Variants in PTCHD4 observed in about 807,000 individuals in gnomAD.
The protein encoded by PTCHD4 is patched domain-containing protein 4.
PTCHD4 carries 33 observed loss-of-function variants against 58.1 expected under a neutral mutation model. The ratio of observed to expected loss-of-function variants is 0.57; its 90% CI spans 0.43 to 0.76. The LOEUF (loss-of-function observed/expected upper bound fraction) is 0.76, where lower values mean the gene tolerates loss of function less well. Among genes scored for constraint, PTCHD4 ranks in the 30% least tolerant of loss-of-function variants. PTCHD4 has a pLI of 0.00. For missense variants in PTCHD4, 1,058 were observed against 1,027.1 expected (o/e 1.03, Z -0.41); for synonymous variants, 478 against 409.6 (o/e 1.17, Z -2.02).
rs867605224 is a variant in PTCHD4, at chr6:48,068,487, C to T, written c.160G>A (p.Gly54Ser). The T allele has an allele frequency of 1.2e-6, 2 of 1,613,408 alleles. No homozygotes were observed. Among genetic ancestry groups the T allele is most frequent in the East Asian group, 2.2e-5 (1 of 44,826 alleles). ...TGGAAGCGGTTGAGCGCGCTGAGGC[C>T]GAAGGTGATTGTCAGGACTGCGGGC... ...TVPAVLTITF[G>S]LSALNRFQPE... Residue 54 changes from glycine to serine, a missense_variant, in exon 3 of 5, where the codon GGC (glycine) becomes AGC (serine). Physicochemically the swap from Gly to Ser is moderately conservative, Grantham distance 56. Transcript: ENST00000339488. This position sits in a 1 kb window ranked among gnomAD's most constrained non-coding sequence, Gnocchi z 4.2.
intron 3 of PTCHD4, among the ~76,000 whole-genome samples, chr6:48,051,691 G>C (rs1764240349): frequency 6.6e-6 from 1 of 151,878 alleles, no homozygotes; most frequent in Non-Finnish European, 1.5e-5. Context: ...CAGAGTAACT[G>C]ATCATAGCAA....
At chr6:48,000,912 C>A (rs909179321) in intron 4 of PTCHD4, among the ~76,000 whole-genome samples, 1 of 152,036 alleles carries the variant, frequency 6.6e-6, no homozygotes, top group Non-Finnish European at 1.5e-5. Context: ...ATGCAAAATC[C>A]CTCGAAAGAA....
intron 3 of PTCHD4, among the ~76,000 whole-genome samples, chr6:48,060,860 C>G (rs1488988798): frequency 6.6e-6 from 1 of 152,204 alleles, no homozygotes; most frequent in Non-Finnish European, 1.5e-5. Context: ...AGAGAACCAT[C>G]GACTGTTCCA....
At chr6:48,033,237 G>A (rs1763513973) in intron 3 of PTCHD4, among the ~76,000 whole-genome samples, 1 of 151,964 alleles carries the variant, frequency 6.6e-6, no homozygotes, top group South Asian at 2.1e-4. Context: ...TGTGGAGCCG[G>A]AATATTATAA....
At chr6:47,928,809 C>T (rs1028749879) in intron 4 of PTCHD4, among the ~76,000 whole-genome samples, 3 of 151,084 alleles carry the variant, frequency 2.0e-5, no homozygotes, top group Non-Finnish European at 4.4e-5. Flanking sequence ...TACTTGGTGT[C>T]GATGATACTC....
At chr6:48,059,603 C>A (rs1359347272) in intron 3 of PTCHD4, among the ~76,000 whole-genome samples, 1 of 152,044 alleles carries the variant, frequency 6.6e-6, no homozygotes, top group Non-Finnish European at 1.5e-5. Context: ...CACGCCACTG[C>A]ACTCAGTCTG....
intron 3 of PTCHD4, among the ~76,000 whole-genome samples, chr6:48,011,605 T>C (rs1022693987): frequency 6.6e-6 from 1 of 152,228 alleles, no homozygotes; most frequent in African/African-American, 2.4e-5. Context: ...TTTTGGCTTT[T>C]GTTGCCATTG....
intron 4 of PTCHD4, among the ~76,000 whole-genome samples, chr6:47,880,549 C>T (rs191753917): frequency 1.8e-3 from 273 of 151,882 alleles, no homozygotes; most frequent in Middle Eastern, 3.4e-3. Context: ...AAATCTGCCA[C>T]GTCACATAAA....
chr6:47,935,456 T>G (rs1208932010), intron 4 of PTCHD4, among the ~76,000 whole-genome samples: 1 of 152,180 alleles, frequency 6.6e-6, no homozygotes, highest in East Asian at 1.9e-4. Context: ...ATCTTGCGCT[T>G]TCTGCCAGTT....
At chr6:47,989,859 A>G (rs182367655) in intron 4 of PTCHD4, among the ~76,000 whole-genome samples, 2 of 152,300 alleles carry the variant, frequency 1.3e-5, no homozygotes, top group South Asian at 2.1e-4. Context: ...AGCTGTGCGA[A>G]GAAGGCCACT....
intron 4 of PTCHD4, among the ~76,000 whole-genome samples, chr6:47,915,797 C>A (rs1765225245): frequency 6.6e-6 from 1 of 152,004 alleles, no homozygotes; most frequent in African/African-American, 2.4e-5. Context: ...GCACAAAGTA[C>A]CTGAGAACAC....
At chr6:47,930,745 T>C (rs748207305) in intron 4 of PTCHD4, among the ~76,000 whole-genome samples, 5 of 152,154 alleles carry the variant, frequency 3.3e-5, no homozygotes, top group Non-Finnish European at 7.4e-5. Flanking sequence ...ATTATAAATA[T>C]TGGTATTATG....
intron 4 of PTCHD4, among the ~76,000 whole-genome samples, chr6:47,903,616 A>G (rs1043942701): frequency 1.3e-5 from 2 of 152,172 alleles, no homozygotes; most frequent in Non-Finnish European, 2.9e-5. Context: ...TGCCTGGCCC[A>G]TTAATTCATT....
intron 1 of PTCHD4, among the ~76,000 whole-genome samples, chr6:48,104,718 A>G (rs1765682821): frequency 6.6e-6 from 1 of 152,352 alleles, no homozygotes; most frequent in South Asian, 2.1e-4. Flanking sequence ...TCTCATGTGC[A>G]GAGACACACA....
At chr6:47,946,987 C>A (rs1452262899) in intron 4 of PTCHD4, among the ~76,000 whole-genome samples, 1 of 152,018 alleles carries the variant, frequency 6.6e-6, no homozygotes, top group Admixed American at 6.6e-5. Context: ...CAGGTGTGCA[C>A]CACCGTGCCC....
At chr6:47,977,685 C>A (rs2114002665) in intron 4 of PTCHD4, among the ~76,000 whole-genome samples, 1 of 151,314 alleles carries the variant, frequency 6.6e-6, no homozygotes, top group South Asian at 2.1e-4. Context: ...TGTTATGCTG[C>A]AATAGATAGC....
intron 4 of PTCHD4, among the ~76,000 whole-genome samples, chr6:47,897,619 T>C (rs1764564321): frequency 6.6e-6 from 1 of 152,192 alleles, no homozygotes; most frequent in Admixed American, 6.5e-5. Flanking sequence ...ATTTGTTAGG[T>C]GGAGATTCCT....
intron 4 of PTCHD4, among the ~76,000 whole-genome samples, chr6:47,982,015 C>T (rs939702710): frequency 3.3e-5 from 5 of 151,978 alleles, no homozygotes; most frequent in African/African-American, 1.2e-4. Flanking sequence ...CATCTCATCC[C>T]TCTGTTAAAA....
chr6:48,037,827 A>G (rs1763694303), intron 3 of PTCHD4, among the ~76,000 whole-genome samples: 1 of 151,938 alleles, frequency 6.6e-6, no homozygotes, highest in African/African-American at 2.4e-5. Flanking sequence ...GAGTAAGATG[A>G]TTTAAAAGAC....
Sources: gnomAD v4.1 joint callset for allele counts (sites outside exome capture counted in the v4.1 genomes callset) on GRCh38, gnomAD v4.1.1 for gene constraint, Gnocchi (gnomAD v3.1) non-coding constraint, MANE v1.5 for transcripts, NCBI Gene and HGNC (gene_info 2026-07-23, HGNC 2026-07-21) for gene names.